Variants in GARIN1A observed in about 807,000 individuals in gnomAD.
GARIN1A encodes golgi associated RAB2 interactor 1A.
chr7:128,685,501 A>C, the GARIN1A span: 1 of 152,234 alleles, frequency 6.6e-6, no homozygotes, highest in Non-Finnish European at 1.5e-5. Flanking sequence ...CCTCTTGTGC[A>C]TGCTCAGTTG....
chr7:128,698,846 C>T, the GARIN1A span, among the ~76,000 whole-genome samples: 1 of 152,190 alleles, frequency 6.6e-6, no homozygotes, highest in Non-Finnish European at 1.5e-5. Context: ...CTCAGTCTCT[C>T]AAAGTGTTGG....
At chr7:128,676,289 CGTG>C in the GARIN1A span, among the ~76,000 whole-genome samples, 40,759 of 151,594 alleles carry the variant, frequency 0.27, 5,783 homozygotes, top group East Asian at 0.54. Flanking sequence ...GGATTACAGG[CGTG>C]AGCCACCGCG....
chr7:128,683,530 G>A, the GARIN1A span: 1 of 151,960 alleles, frequency 6.6e-6, no homozygotes, highest in Admixed American at 6.6e-5. Flanking sequence ...GAGTACAGTG[G>A]TGCGATCATG....
chr7:128,689,409 C>T, the GARIN1A span, among the ~76,000 whole-genome samples: 5 of 152,014 alleles, frequency 3.3e-5, no homozygotes, highest in African/African-American at 1.2e-4. Context: ...GCCTCTGCCC[C>T]GTCTGGGATG....
At chr7:128,692,745 T>C in the GARIN1A span, among the ~76,000 whole-genome samples, 1 of 152,196 alleles carries the variant, frequency 6.6e-6, no homozygotes, top group Non-Finnish European at 1.5e-5. Context: ...AATTAGGGCT[T>C]TACTGTTGTA....
chr7:128,691,406 G>A, the GARIN1A span: 1 of 152,346 alleles, frequency 6.6e-6, no homozygotes, highest in Admixed American at 6.5e-5. Context: ...GTGACATAAG[G>A]TAGGCTGTTA....
At chr7:128,676,428 TGTGTGTGTGTAA>T in the GARIN1A span, among the ~76,000 whole-genome samples, 2 of 148,050 alleles carry the variant, frequency 1.4e-5, no homozygotes, top group Non-Finnish European at 3.0e-5. Context: ...TGTAAATGTG[TGTGTGTGTGTAA>T]GTGTGTGTGT....
At chr7:128,681,541 GC>G in the GARIN1A span, among the ~76,000 whole-genome samples, 1 of 137,378 alleles carries the variant, frequency 7.3e-6, no homozygotes, top group Non-Finnish European at 1.5e-5. Context: ...TCACTCTGTT[GC>G]CCAGGCTGGA....
At chr7:128,703,342 C>T in the GARIN1A span, among the ~76,000 whole-genome samples, 2 of 152,064 alleles carry the variant, frequency 1.3e-5, no homozygotes, top group Admixed American at 6.5e-5. Flanking sequence ...AATCAGACCA[C>T]GACAAAATTA....
chr7:128,682,551 A>G, the GARIN1A span, among the ~76,000 whole-genome samples: 1 of 152,214 alleles, frequency 6.6e-6, no homozygotes, highest in East Asian at 1.9e-4. Flanking sequence ...AGCTGGAAAA[A>G]GGCATGATTA....
chr7:128,682,703 G>A, the GARIN1A span, among the ~76,000 whole-genome samples: 4 of 151,982 alleles, frequency 2.6e-5, no homozygotes, highest in South Asian at 2.1e-4. Context: ...TCAGCCTCCC[G>A]AGTAGCTGGA....
At chr7:128,696,394 T>G in the GARIN1A span, among the ~76,000 whole-genome samples, 2 of 152,224 alleles carry the variant, frequency 1.3e-5, no homozygotes, top group African/African-American at 2.4e-5. Flanking sequence ...TGTCTCATTT[T>G]TCTAATCTGT....
the GARIN1A span, chr7:128,685,655 A>T: frequency 1.4e-4 from 22 of 152,346 alleles, no homozygotes; most frequent in African/African-American, 5.3e-4. Flanking sequence ...TAAGCTGAGC[A>T]TTGTTGGTGC....
chr7:128,694,567 A>G, the GARIN1A span, among the ~76,000 whole-genome samples: 1 of 151,908 alleles, frequency 6.6e-6, no homozygotes, highest in Non-Finnish European at 1.5e-5. Context: ...GAAAAAAACC[A>G]GCACATGGAC....
At chr7:128,672,652 GGGGGGC>G in the GARIN1A span, 2 of 723,114 alleles carry the variant, frequency 2.8e-6, no homozygotes, top group South Asian at 2.1e-5. Context: ...CTGGGGGAGG[GGGGGGC>G]GGGGGGACAA....
At chr7:128,672,338 T>C in the GARIN1A span, 1 of 1,442,612 alleles carries the variant, frequency 6.9e-7, no homozygotes, top group Non-Finnish European at 9.5e-7. Flanking sequence ...CATCCTGGCA[T>C]TGGGCTGGGT....
chr7:128,680,008 T>C, the GARIN1A span: 1 of 1,478,564 alleles, frequency 6.8e-7, no homozygotes, highest in Non-Finnish European at 9.2e-7. Flanking sequence ...CCTAGCCATC[T>C]GACGCTAAAT....
the GARIN1A span, chr7:128,680,211 G>A: frequency 1.2e-5 from 11 of 895,676 alleles, no homozygotes; most frequent in South Asian, 1.1e-4. Context: ...TGGGGTCAAC[G>A]AACCTATCTC....
chr7:128,675,867 C>T, the GARIN1A span: 2 of 1,549,210 alleles, frequency 1.3e-6, no homozygotes, highest in East Asian at 4.5e-5. Context: ...CAGGTAAAGG[C>T]TTGAGGGAGG....
Sources: allele counts gnomAD v4.1 joint callset (sites outside exome capture counted in the v4.1 genomes callset), GRCh38; gene constraint gnomAD v4.1.1; transcripts MANE v1.5; gene names NCBI Gene and HGNC (gene_info 2026-07-23, HGNC 2026-07-21).